PIK3CB: variants seen among roughly 807,000 people sequenced by gnomAD.
PIK3CB encodes the protein phosphatidylinositol-4,5-bisphosphate 3-kinase catalytic subunit beta, also known as phosphatidylinositol 4,5-bisphosphate 3-kinase catalytic subunit beta isoform.
Under a neutral mutation model 136.8 loss-of-function variants are expected in PIK3CB, and 39 were observed. The observed-to-expected ratio is 0.29, with a 90% CI of 0.22 to 0.37. PIK3CB has a LOEUF of 0.37. Among genes scored for constraint, PIK3CB ranks in the 10% least tolerant of loss-of-function variants. The pLI, the probability that PIK3CB is intolerant of heterozygous loss-of-function variation, is 1.00. For synonymous variants in PIK3CB, 428 were observed against 436.6 expected, an observed-to-expected ratio of 0.98 and a Z score of 0.25; for missense variants, 868 against 1,275.4, an observed-to-expected ratio of 0.68 and a Z score of 4.87.
intron 2 of PIK3CB, among the ~76,000 whole-genome samples, chr3:138,766,805 T>G (rs1428713220): frequency 1.3e-5 from 2 of 152,210 alleles, no homozygotes; most frequent in African/African-American, 2.4e-5. Context: ...GAAATGTTTT[T>G]CCCAACTAGG....
intron 4 of PIK3CB, among the ~76,000 whole-genome samples, chr3:138,743,339 T>TA (rs1391060513): frequency 6.6e-6 from 1 of 152,136 alleles, no homozygotes. Flanking sequence ...TCATAGTCTT[T>TA]AAAAAAACAA....
At position 138,737,703 on chromosome 3, in the gene PIK3CB, A is replaced by G. The variant is rs1206714834; in HGVS notation, c.801+4T>C. 4 of 1,546,842 alleles carry G rather than the reference A, an allele frequency of 2.6e-6. No homozygotes were observed. The South Asian group carries it at 4.6e-5, about 18-fold the overall frequency. On this transcript the variant is annotated splice_donor_region_variant and intron_variant, in intron 6 of 23. Coordinates refer to ENST00000674063, the MANE Select transcript of PIK3CB (RefSeq NM_006219.3). ...TCTGGTAAATTAATAGTTAATATAC[A>G]TACCTGGAACTGAATTAGTGGATGA...
chr3:138,753,131 C>T (rs1051591419), intron 4 of PIK3CB, among the ~76,000 whole-genome samples: 1 of 152,104 alleles, frequency 6.6e-6, no homozygotes, highest in Non-Finnish European at 1.5e-5. Flanking sequence ...GTGGGAGGAT[C>T]ACTTGACCCT....
chr3:138,695,931 ATTTTTTTTTTTTT>A (rs34470924), intron 13 of PIK3CB, among the ~76,000 whole-genome samples: 1 of 90,838 alleles, frequency 1.1e-5, no homozygotes, highest in Non-Finnish European at 2.0e-5. Context: ...AATTTTTTGT[ATTTTTTTTTTTTT>A]TTTTTTTTTT....
At chr3:138,686,885 G>C (rs2043905600) in intron 16 of PIK3CB, among the ~76,000 whole-genome samples, 1 of 152,154 alleles carries the variant, frequency 6.6e-6, no homozygotes, top group African/African-American at 2.4e-5. Context: ...AACTTACCAA[G>C]TTAGCCATCT....
At chr3:138,699,730 T>G (rs551929950) in intron 12 of PIK3CB, among the ~76,000 whole-genome samples, 4 of 152,334 alleles carry the variant, frequency 2.6e-5, no homozygotes, top group African/African-American at 9.6e-5. Context: ...TGGTCTTTAA[T>G]AGATGGATAA....
chr3:138,659,577 T>C (rs1237768878), intron 21 of PIK3CB, among the ~76,000 whole-genome samples: 2 of 152,074 alleles, frequency 1.3e-5, no homozygotes, highest in Non-Finnish European at 2.9e-5. Flanking sequence ...TCCCTCAAAA[T>C]TATGAAGGCT....
chr3:138,655,345 A>C lies in PIK3CB; in HGVS notation c.*44T>G. The C allele has an allele frequency of 1.3e-6, 2 of 1,599,184 alleles. No individual in the cohort carries two copies. The highest frequency in any genetic ancestry group is 1.7e-6 in the Non-Finnish European group (2 of 1,168,940). ...CAATTTAGTGCAAGTGCAAAATGAA[A>C]ATGAAATGAAACCAACAAATACATT... On this transcript the variant is annotated 3_prime_UTR_variant, in exon 24 of 24. Coordinates refer to ENST00000674063, the MANE Select transcript of PIK3CB (RefSeq NM_006219.3).
intron 2 of PIK3CB, among the ~76,000 whole-genome samples, chr3:138,794,344 G>A (rs1333038544): frequency 1.3e-5 from 2 of 152,124 alleles, no homozygotes; most frequent in Non-Finnish European, 2.9e-5. Flanking sequence ...TGAATTACAG[G>A]TGCAGAGTGG....
intron 8 of PIK3CB, among the ~76,000 whole-genome samples, chr3:138,719,239 T>A (rs2044675699): frequency 2.0e-5 from 1 of 49,264 alleles, no homozygotes; most frequent in Non-Finnish European, 4.4e-5. Context: ...CTCAGTATTT[T>A]TTTTTTTTTT....
At chr3:138,702,595 G>C (rs1265393591) in intron 12 of PIK3CB, among the ~76,000 whole-genome samples, 1 of 152,076 alleles carries the variant, frequency 6.6e-6, no homozygotes, top group East Asian at 1.9e-4. Context: ...CTTGAACCAA[G>C]ACCTGCCTGT....
At chr3:138,788,459 C>A (rs1258987511) in intron 2 of PIK3CB, among the ~76,000 whole-genome samples, 1 of 150,314 alleles carries the variant, frequency 6.7e-6, no homozygotes, top group East Asian at 2.0e-4. Flanking sequence ...GAGTTGAAGA[C>A]CAGCCTGACC....
intron 8 of PIK3CB, among the ~76,000 whole-genome samples, chr3:138,716,178 C>T (rs993313352): frequency 6.6e-6 from 1 of 152,144 alleles, no homozygotes; most frequent in Non-Finnish European, 1.5e-5. Flanking sequence ...TGCAGTAAAT[C>T]CTCAGGTCAC....
chr3:138,717,106 T>C (rs1051861259), intron 8 of PIK3CB, among the ~76,000 whole-genome samples: 24 of 148,556 alleles, frequency 1.6e-4, no homozygotes, highest in Admixed American at 2.7e-4. Context: ...ATACAAAAAT[T>C]AGCTGGGCAC....
intron 2 of PIK3CB, among the ~76,000 whole-genome samples, chr3:138,767,088 C>T (rs2045741826): frequency 6.6e-6 from 1 of 151,782 alleles, no homozygotes; most frequent in Admixed American, 6.6e-5. Context: ...GCAGGAGAAT[C>T]GATTGAACCT....
intron 8 of PIK3CB, among the ~76,000 whole-genome samples, chr3:138,729,280 G>GA (rs150270268): frequency 2.5e-3 from 312 of 125,652 alleles, no homozygotes; most frequent in Middle Eastern, 4.0e-3. Flanking sequence ...GACTCTCTCA[G>GA]AAAAAAAAAA....
chr3:138,665,959 C>T (rs968628587), intron 19 of PIK3CB, among the ~76,000 whole-genome samples: 1 of 152,126 alleles, frequency 6.6e-6, no homozygotes, highest in Non-Finnish European at 1.5e-5. Context: ...TTGCAAACTC[C>T]TTGGAGACAG....
chr3:138,779,499 T>A (rs1244223100), intron 2 of PIK3CB, among the ~76,000 whole-genome samples: 1 of 144,224 alleles, frequency 6.9e-6, no homozygotes, highest in African/African-American at 2.6e-5. Context: ...CAAGCAATCC[T>A]CCCACATCAA....
At chr3:138,772,651 T>A (rs1025580820) in intron 2 of PIK3CB, among the ~76,000 whole-genome samples, 20 of 150,588 alleles carry the variant, frequency 1.3e-4, no homozygotes, top group Admixed American at 9.9e-4. Flanking sequence ...TTTTTTTTTT[T>A]ACTAGAGACA....
Sources: allele counts gnomAD v4.1 joint callset (sites outside exome capture counted in the v4.1 genomes callset), GRCh38; gene constraint gnomAD v4.1.1; transcripts MANE v1.5; gene names NCBI Gene and HGNC (gene_info 2026-07-23, HGNC 2026-07-21).